ITPR2: variants seen among roughly 807,000 people sequenced by gnomAD.
The protein encoded by ITPR2 is inositol 1,4,5-trisphosphate receptor type 2, also known as inositol 1,4,5-trisphosphate-gated calcium channel ITPR2.
Under a neutral mutation model 317.1 loss-of-function variants are expected in ITPR2, and 207 were observed. The observed-to-expected ratio is 0.65, with a 90% CI of 0.58 to 0.73. ITPR2 has a LOEUF of 0.73. Ranked by LOEUF, ITPR2 falls within the 30% of genes least tolerant of loss-of-function variation. The pLI is 0.00. For synonymous variants in ITPR2, 1,156 were observed against 1,149.1 expected, an observed-to-expected ratio of 1.01 and a Z score of -0.12; for missense variants, 2,613 against 3,284.0, an observed-to-expected ratio of 0.80 and a Z score of 4.99.
intron 34 of ITPR2, among the ~76,000 whole-genome samples, chr12:26,576,928 T>A (rs565205981): frequency 6.6e-6 from 1 of 152,148 alleles, no homozygotes; most frequent in Admixed American, 6.5e-5. Flanking sequence ...TATGAGTGGA[T>A]TAATTATCCT....
chr12:26,620,605 T>G (rs975519063), intron 26 of ITPR2, among the ~76,000 whole-genome samples: 4 of 152,172 alleles, frequency 2.6e-5, no homozygotes, highest in Admixed American at 2.6e-4. Context: ...ATTAACACAC[T>G]AAAAAAGCCA....
At position 26,622,272 on chromosome 12, in the gene ITPR2, G is replaced by A; in HGVS notation, c.3256C>T (p.Gln1086Ter). 1 of 1,613,626 alleles carries A rather than the reference G, an allele frequency of 6.2e-7. No individual in the cohort carries two copies. The highest frequency in any genetic ancestry group is 8.5e-7 in the Non-Finnish European group (1 of 1,179,800). ...ALQLLFKHFSQRAEVLQAFKQ... is the reference protein window; with the variant it reads ...ALQLLFKHFS ...AATGCCTGTAAAACCTCTGCCCTCT[G>A]GCTGAAGTGCTTAAACAACAGCTGC... is the stretch of plus-strand genomic sequence containing the variant. The change falls in exon 25 of 57, where the codon CAG (glutamine) becomes TAG (stop). Residue 1086 changes from glutamine to a stop codon, truncating the protein, a stop_gained. Transcript: ENST00000381340. LOFTEE classifies it high-confidence loss of function.
chr12:26,365,774 C>G (rs968477538), intron 55 of ITPR2, among the ~76,000 whole-genome samples: 2 of 152,162 alleles, frequency 1.3e-5, no homozygotes, highest in African/African-American at 2.4e-5. Context: ...ATGAAGAGGG[C>G]AGCCAACGTG....
intron 1 of ITPR2, among the ~76,000 whole-genome samples, chr12:26,827,763 T>C (rs945037597): frequency 9.2e-5 from 14 of 152,230 alleles, no homozygotes; most frequent in Non-Finnish European, 1.9e-4. Flanking sequence ...ATCATGCTAC[T>C]AGCCATCATG....
chr12:26,486,920 C>T, intron 40 of ITPR2, 148 bp downstream of exon 40: 1 of 844,378 alleles, frequency 1.2e-6, no homozygotes, highest in Non-Finnish European at 2.0e-6. Flanking sequence ...TAGGGTCACC[C>T]CATGACCAAA....
intron 2 of ITPR2, among the ~76,000 whole-genome samples, chr12:26,780,887 C>T (rs1482537446): frequency 1.3e-5 from 2 of 152,188 alleles, no homozygotes; most frequent in Non-Finnish European, 2.9e-5. Flanking sequence ...TTACATTAAA[C>T]TGGAAGTTAA....
At chr12:26,424,192 A>T (rs1024980634) in intron 49 of ITPR2, among the ~76,000 whole-genome samples, 8 of 152,232 alleles carry the variant, frequency 5.3e-5, no homozygotes, top group African/African-American at 1.9e-4. Flanking sequence ...TATCATTATC[A>T]CCATTATTAA....
chr12:26,351,636 C>A (rs542898835), intron 55 of ITPR2, among the ~76,000 whole-genome samples: 21 of 152,076 alleles, frequency 1.4e-4, no homozygotes, highest in Non-Finnish European at 2.8e-4. Context: ...GCCTGGGTGA[C>A]ACGGTGAGAC....
intron 45 of ITPR2, among the ~76,000 whole-genome samples, chr12:26,445,766 G>T (rs1941597335): frequency 1.3e-5 from 2 of 152,196 alleles, no homozygotes; most frequent in South Asian, 4.1e-4. Context: ...TATAAACAAG[G>T]AGTGTGAGTA....
At chr12:26,465,811 C>A (rs1029445707) in intron 45 of ITPR2, among the ~76,000 whole-genome samples, 32 of 152,198 alleles carry the variant, frequency 2.1e-4, no homozygotes, top group African/African-American at 7.5e-4. Flanking sequence ...GCATTCCCTA[C>A]CCACCCCACA....
intron 34 of ITPR2, among the ~76,000 whole-genome samples, chr12:26,567,084 C>T (rs1227045238): frequency 6.6e-6 from 1 of 152,098 alleles, no homozygotes; most frequent in Non-Finnish European, 1.5e-5. Flanking sequence ...GACATTTAAA[C>T]AAATTGGGGA....
At chr12:26,666,326 A>T (rs1947632423) in intron 13 of ITPR2, among the ~76,000 whole-genome samples, 1 of 152,206 alleles carries the variant, frequency 6.6e-6, no homozygotes, top group Non-Finnish European at 1.5e-5. Flanking sequence ...CTAAGCCTTT[A>T]CAAAGAAAAT....
rs1031700752 is a variant in ITPR2 at position 26,689,225 on chromosome 12, T to C, written c.997-2593A>G. On this transcript the variant is annotated intron_variant, in intron 10 of 56. Coordinates refer to ENST00000381340, the MANE Select transcript of ITPR2 (RefSeq NM_002223.4). Reference sequence around the variant, plus strand: ...TGAGCTCAGGAGTTCAAGACCAGCCTGGGCAACATGGCGAAACCCCATCTC... The same window carrying C: ...TGAGCTCAGGAGTTCAAGACCAGCCCGGGCAACATGGCGAAACCCCATCTC... 3.9e-5 allele frequency among the ~76,000 whole-genome samples: 6 copies of C among 152,230 alleles called. No individual in the cohort carries two copies. In the East Asian group the frequency reaches 1.2e-3, roughly 29 times the overall value.
At chr12:26,424,897 C>G (rs950335904) in intron 49 of ITPR2, among the ~76,000 whole-genome samples, 1 of 151,856 alleles carries the variant, frequency 6.6e-6, no homozygotes, top group South Asian at 2.1e-4. Context: ...GTAGCTGGGA[C>G]TACAGGTACG....
At chr12:26,815,687 T>C (rs926099704) in intron 1 of ITPR2, among the ~76,000 whole-genome samples, 7 of 152,010 alleles carry the variant, frequency 4.6e-5, no homozygotes, top group Admixed American at 2.0e-4. Flanking sequence ...TACCTGCAAT[T>C]GAGTAGCGTG....
intron 13 of ITPR2, among the ~76,000 whole-genome samples, chr12:26,669,932 G>T (rs966330281): frequency 1.3e-5 from 2 of 152,352 alleles, no homozygotes; most frequent in African/African-American, 4.8e-5. Flanking sequence ...ACGCCCATGG[G>T]GTCTCGCTGA....
At chr12:26,464,697 C>G (rs1942125638) in intron 45 of ITPR2, among the ~76,000 whole-genome samples, 1 of 152,190 alleles carries the variant, frequency 6.6e-6, no homozygotes, top group South Asian at 2.1e-4. Context: ...CTAACTCCTG[C>G]CTTTATGAAG....
chr12:26,341,126 T>G (rs1033066751), intron 55 of ITPR2, among the ~76,000 whole-genome samples: 4 of 152,188 alleles, frequency 2.6e-5, no homozygotes, highest in Admixed American at 6.5e-5. Context: ...CCCAAAGCTC[T>G]GCAAGGTAAA....
At chr12:26,772,535 C>CATGTATTATATATATAATA (rs1565752337) in intron 2 of ITPR2, among the ~76,000 whole-genome samples, 6 of 130,584 alleles carry the variant, frequency 4.6e-5, no homozygotes, top group Non-Finnish European at 9.6e-5. Context: ...ATATATAATA[C>CATGTATTATATATATAATA]ATGTATTATA....
Sources: allele counts gnomAD v4.1 joint callset (sites outside exome capture counted in the v4.1 genomes callset), GRCh38; gene constraint gnomAD v4.1.1; transcripts MANE v1.5; gene names NCBI Gene and HGNC (gene_info 2026-07-23, HGNC 2026-07-21).